TENM2: variants seen among roughly 807,000 people sequenced by gnomAD.
TENM2 encodes the protein teneurin-2.
A neutral mutation model predicts 245.2 loss-of-function variants in TENM2; 52 were observed. The observed-to-expected ratio is 0.21, with a 90% confidence interval of 0.17 to 0.27. TENM2 has a LOEUF of 0.27. Among genes scored for constraint, TENM2 ranks in the 10% least tolerant of loss-of-function variants. The pLI is 1.00. For missense variants in TENM2, 3,046 were observed against 3,666.8 expected (o/e 0.83, Z 4.37); for synonymous variants, 1,363 against 1,438.9 (o/e 0.95, Z 1.19).
In TENM2 at chr5:167,483,035, C is replaced by A. The variant is rs912453372; in HGVS notation, c.502+107562C>A. ...AGATTTTCGAAAGCTACAGCTATAC[C>A]ACTTATGGTATTTACGTCCTTGACC... is the stretch of plus-strand genomic sequence containing the variant. On this transcript the variant is annotated intron_variant, in intron 2 of 28. Coordinates refer to ENST00000518659, the Ensembl canonical transcript of TENM2. Among the ~76,000 whole-genome samples the A allele has an allele frequency of 3.9e-5, 6 of 152,138 alleles. No homozygotes were observed. The South Asian group carries it at 8.3e-4, about 21-fold the overall frequency.
Position 167,350,284 on chromosome 5 carries a change from A to G in TENM2, c.227-24914A>G, listed in dbSNP as rs1450665383. Reference sequence around the variant, plus strand: ...TCAGCCAACTCACAATAGGAAGTCAATAATTTATTTTTTGGATCACTTAGT... The same window carrying G: ...TCAGCCAACTCACAATAGGAAGTCAGTAATTTATTTTTTGGATCACTTAGT... On this transcript the variant is annotated intron_variant, in intron 1 of 28. Coordinates refer to ENST00000518659, the Ensembl canonical transcript of TENM2. Among the ~76,000 whole-genome samples, 4 of 152,200 alleles carry G rather than the reference A, an allele frequency of 2.6e-5. No homozygotes were observed. The South Asian group carries it at 6.2e-4, about 24-fold the overall frequency.
At chr5:167,362,698 A>G (rs1759789480) in intron 1 of TENM2, among the ~76,000 whole-genome samples, 1 of 152,186 alleles carries the variant, frequency 6.6e-6, no homozygotes, top group Non-Finnish European at 1.5e-5. Flanking sequence ...TTGTATTTTT[A>G]TGGAAAAGTA....
At chr5:168,129,899 A>G (rs1477797723) in intron 12 of TENM2, 1 of 152,236 alleles carries the variant, frequency 6.6e-6, no homozygotes, top group Non-Finnish European at 1.5e-5. Flanking sequence ...GAAAAATGAC[A>G]TGGTACCAAG....
the TENM2 span, among the ~76,000 whole-genome samples, chr5:167,241,803 G>C: frequency 6.6e-6 from 1 of 152,228 alleles, no homozygotes; most frequent in East Asian, 1.9e-4. Flanking sequence ...ACAAAGTGGA[G>C]ACATGATATG....
At chr5:167,595,782 G>T (rs1776162486) in intron 2 of TENM2, among the ~76,000 whole-genome samples, 1 of 152,146 alleles carries the variant, frequency 6.6e-6, no homozygotes, top group Non-Finnish European at 1.5e-5. Context: ...CTTACTGTTT[G>T]TAATGTACAA....
intron 2 of TENM2, among the ~76,000 whole-genome samples, chr5:167,800,847 C>A (rs1765657145): frequency 6.6e-6 from 1 of 151,874 alleles, no homozygotes; most frequent in Non-Finnish European, 1.5e-5. Flanking sequence ...GGCAGAGAAA[C>A]CCCTTCAGGA....
intron 13 of TENM2, chr5:168,166,059 T>A (rs1197614823): frequency 1.3e-5 from 2 of 152,206 alleles, no homozygotes; most frequent in Non-Finnish European, 2.9e-5. Flanking sequence ...CAACTCCAGA[T>A]TCAATCCTGC....
chr5:167,205,330 A>G, the TENM2 span, among the ~76,000 whole-genome samples: 2 of 152,198 alleles, frequency 1.3e-5, no homozygotes, highest in Non-Finnish European at 2.9e-5. Context: ...GCAGTGAGCC[A>G]AGATCACGCC....
At chr5:167,669,140 G>A (rs769655271) in intron 2 of TENM2, among the ~76,000 whole-genome samples, 1 of 152,122 alleles carries the variant, frequency 6.6e-6, no homozygotes, top group South Asian at 2.1e-4. Context: ...TATGACTTTG[G>A]TGGGCTCACG....
intron 2 of TENM2, among the ~76,000 whole-genome samples, chr5:167,461,069 G>T (rs1766263600): frequency 6.6e-6 from 1 of 152,144 alleles, no homozygotes; most frequent in Admixed American, 6.5e-5. Context: ...ACTCACTATA[G>T]CGCCATAGTA....
chr5:167,762,027 G>T (rs563636937), intron 2 of TENM2, among the ~76,000 whole-genome samples: 1 of 152,168 alleles, frequency 6.6e-6, no homozygotes, highest in Non-Finnish European at 1.5e-5. Context: ...ATGCAGAAGC[G>T]CTGCCTGACT....
chr5:167,654,201 G>A (rs73801314), intron 2 of TENM2, among the ~76,000 whole-genome samples: 4,063 of 152,012 alleles, frequency 0.027, 201 homozygotes, highest in African/African-American at 0.093. Flanking sequence ...GTTATGGCAT[G>A]TATGCTGTTC....
At chr5:167,071,778 A>AG in the TENM2 span, among the ~76,000 whole-genome samples, 1 of 152,052 alleles carries the variant, frequency 6.6e-6, no homozygotes, top group African/African-American at 2.4e-5. Context: ...AGAGGATTTC[A>AG]GGGACATTGA....
chr5:167,150,435 A>C, the TENM2 span, among the ~76,000 whole-genome samples: 1 of 152,232 alleles, frequency 6.6e-6, no homozygotes, highest in Non-Finnish European at 1.5e-5. Flanking sequence ...AAGTAAATTT[A>C]ATGAGTGTAT....
intron 5 of TENM2, among the ~76,000 whole-genome samples, chr5:168,047,192 C>G (rs1346057974): frequency 1.3e-5 from 2 of 152,108 alleles, no homozygotes; most frequent in Non-Finnish European, 2.9e-5. Flanking sequence ...CTCCTCCGCT[C>G]ACTGTAAGGG....
At chr5:167,108,540 A>T in the TENM2 span, among the ~76,000 whole-genome samples, 1 of 152,206 alleles carries the variant, frequency 6.6e-6, no homozygotes, top group Non-Finnish European at 1.5e-5. Context: ...ATCCAGTAAC[A>T]TTATACGGTA....
intron 4 of TENM2, among the ~76,000 whole-genome samples, chr5:167,956,344 T>G (rs910837181): frequency 6.6e-6 from 1 of 152,246 alleles, no homozygotes; most frequent in African/African-American, 2.4e-5. Flanking sequence ...TGCTTGAAGT[T>G]GCTTATCACC....
At chr5:167,897,710 T>G (rs554137657) in intron 3 of TENM2, among the ~76,000 whole-genome samples, 6 of 152,242 alleles carry the variant, frequency 3.9e-5, no homozygotes, top group Admixed American at 3.9e-4. Flanking sequence ...TTTGCCTCAT[T>G]TGTGAGGGCT....
chr5:167,636,052 C>T (rs1202263254), intron 2 of TENM2, among the ~76,000 whole-genome samples: 1 of 151,912 alleles, frequency 6.6e-6, no homozygotes, highest in African/African-American at 2.4e-5. Context: ...TGTTCATTGA[C>T]CAGTTATTTT....
Sources: allele counts gnomAD v4.1 joint callset (sites outside exome capture counted in the v4.1 genomes callset), GRCh38; gene constraint gnomAD v4.1.1; transcripts MANE v1.5; gene names NCBI Gene and HGNC (gene_info 2026-07-23, HGNC 2026-07-21).